NPAS3: variants seen among roughly 807,000 people sequenced by gnomAD.
The protein encoded by NPAS3 is neuronal PAS domain-containing protein 3.
In NPAS3, 14 loss-of-function variants were observed where a neutral mutation model predicts 73.1. The observed-to-expected ratio is 0.19, with a 90% CI of 0.13 to 0.30. NPAS3 has a LOEUF of 0.30. Among genes scored for constraint, NPAS3 ranks in the 10% least tolerant of loss-of-function variants. The probability of loss-of-function intolerance (pLI) is 1.00; values close to 1 mark genes in which losing one functional copy is unlikely to be tolerated. For synonymous variants in NPAS3, 620 were observed against 541.5 expected (o/e 1.14, Z -2.01); for missense variants, 1,096 against 1,250.0 (o/e 0.88, Z 1.86).
intron 2 of NPAS3, among the ~76,000 whole-genome samples, chr14:33,091,061 A>G (rs2042207956): frequency 6.6e-6 from 1 of 152,238 alleles, no homozygotes. Flanking sequence ...TTGACACACT[A>G]ACATCACAAT....
intron 2 of NPAS3, among the ~76,000 whole-genome samples, chr14:33,103,357 C>T (rs2042632157): frequency 6.6e-6 from 1 of 152,116 alleles, no homozygotes; most frequent in African/African-American, 2.4e-5. Context: ...GAAGCTCTGC[C>T]ATTGCATCAT....
chr14:33,596,838 A>G (rs754931884), intron 5 of NPAS3, among the ~76,000 whole-genome samples: 3 of 152,188 alleles, frequency 2.0e-5, no homozygotes, highest in Non-Finnish European at 4.4e-5. Flanking sequence ...CAGCTTCGTG[A>G]CAGCAGATGG....
intron 7 of NPAS3, among the ~76,000 whole-genome samples, chr14:33,747,707 G>A (rs2061846989): frequency 6.6e-6 from 1 of 152,158 alleles, no homozygotes; most frequent in African/African-American, 2.4e-5. Flanking sequence ...ATCACCTTTG[G>A]CTCATAGTTG....
chr14:33,319,414 T>C (rs2043343274), intron 3 of NPAS3, among the ~76,000 whole-genome samples: 1 of 152,126 alleles, frequency 6.6e-6, no homozygotes. Flanking sequence ...ATTAAAATGC[T>C]GTCTGATCTA....
At position 33,677,826 on chromosome 14, in the gene NPAS3, G is replaced by A. The variant is rs183300802; in HGVS notation, c.733+1441G>A. ...AATGAAAATACTTTTGTTCAGGTGGGCAAGTGATATATTCTTATACCATAG... is the reference window on the plus strand; with the variant it reads ...AATGAAAATACTTTTGTTCAGGTGGACAAGTGATATATTCTTATACCATAG... On this transcript the variant is annotated intron_variant, in intron 6 of 11. Coordinates refer to ENST00000356141, the Ensembl canonical transcript of NPAS3. Among the ~76,000 whole-genome samples the A allele has an allele frequency of 9.9e-5, 15 of 152,244 alleles. No individual in the cohort carries two copies. In the East Asian group the frequency reaches 2.7e-3, roughly 27 times the overall value.
chr14:33,588,349 G>A (rs529622926), intron 5 of NPAS3, among the ~76,000 whole-genome samples: 4 of 152,126 alleles, frequency 2.6e-5, no homozygotes, highest in South Asian at 2.1e-4. Flanking sequence ...AATATCCTTC[G>A]GCAGTCATAT....
chr14:33,784,721 T>TTTA (rs2063089229), intron 9 of NPAS3, among the ~76,000 whole-genome samples: 1 of 104,068 alleles, frequency 9.6e-6, no homozygotes, highest in South Asian at 3.3e-4. Context: ...TTATTGTTAT[T>TTTA]TTTATTTATT....
In NPAS3 at chr14:32,972,690, G is replaced by A. The variant is rs561269419; in HGVS notation, c.50+33324G>A. On this transcript the variant is annotated intron_variant, in intron 1 of 11. Coordinates refer to ENST00000356141, the Ensembl canonical transcript of NPAS3. Reference sequence around the variant, plus strand: ...TGCTGTGGAACCTACTGTAGGAGGGGGGAAAAGAGAAACACTTTGTCACAG... The same window carrying A: ...TGCTGTGGAACCTACTGTAGGAGGGAGGAAAAGAGAAACACTTTGTCACAG... 9.9e-5 allele frequency among the ~76,000 whole-genome samples: 15 copies of A among 152,270 alleles called. No individual in the cohort carries two copies. In the South Asian group the frequency reaches 2.9e-3, roughly 29 times the overall value.
intron 1 of NPAS3, among the ~76,000 whole-genome samples, chr14:33,046,078 G>A (rs1212218759): frequency 6.6e-6 from 1 of 152,192 alleles, no homozygotes; most frequent in Non-Finnish European, 1.5e-5. Context: ...GGTGGTGGAT[G>A]AAAGATAACA....
chr14:32,935,384 G>C (rs540922777), upstream of NPAS3, among the ~76,000 whole-genome samples: 1 of 152,350 alleles, frequency 6.6e-6, no homozygotes, highest in East Asian at 1.9e-4. Context: ...CATACGGACA[G>C]CTAGGGGGGC....
chr14:33,660,192 T>C (rs2140270941), intron 5 of NPAS3, among the ~76,000 whole-genome samples: 1 of 152,248 alleles, frequency 6.6e-6, no homozygotes, highest in South Asian at 2.1e-4. Context: ...GCCAAATGGA[T>C]GAGCTAAGAA....
intron 3 of NPAS3, among the ~76,000 whole-genome samples, chr14:33,237,357 A>T (rs989800120): frequency 1.3e-5 from 2 of 152,102 alleles, no homozygotes; most frequent in Non-Finnish European, 2.9e-5. Flanking sequence ...CAGCTTATGC[A>T]CTCAAGGCAT....
At chr14:33,274,687 A>G (rs1340982212) in intron 3 of NPAS3, among the ~76,000 whole-genome samples, 2 of 152,174 alleles carry the variant, frequency 1.3e-5, no homozygotes, top group African/African-American at 2.4e-5. Context: ...CATAAATGAT[A>G]TAGCTAAACA....
At chr14:33,334,647 G>A (rs2044134496) in intron 3 of NPAS3, among the ~76,000 whole-genome samples, 1 of 152,136 alleles carries the variant, frequency 6.6e-6, no homozygotes, top group Admixed American at 6.5e-5. Flanking sequence ...TGAGTCTTAG[G>A]CACCATCTGA....
rs142707276 is a variant in NPAS3 at position 33,766,751 on chromosome 14, C to T, written c.853-7586C>T. On this transcript the variant is annotated intron_variant, in intron 7 of 11. Coordinates refer to ENST00000356141, the Ensembl canonical transcript of NPAS3. ...TACTTCCTGAGTTGATAGCCATCTC[C>T]ATACATAGCTGATGACAGCATTCCA... 2.0e-5 allele frequency among the ~76,000 whole-genome samples: 3 copies of T among 152,244 alleles called. No homozygotes were observed. In the East Asian group the frequency reaches 5.8e-4, roughly 29 times the overall value.
At chr14:33,796,546 A>G (rs2063517873) in intron 10 of NPAS3, among the ~76,000 whole-genome samples, 1 of 152,170 alleles carries the variant, frequency 6.6e-6, no homozygotes, top group South Asian at 2.1e-4. Flanking sequence ...GTAATCATCA[A>G]TTTTAAGTCT....
intron 9 of NPAS3, among the ~76,000 whole-genome samples, chr14:33,787,592 A>G (rs2063216124): frequency 1.8e-5 from 1 of 56,296 alleles, no homozygotes; most frequent in South Asian, 8.3e-4. Context: ...CTCAGCATAT[A>G]GATTTACAAA....
chr14:33,673,404 A>G (rs1165199719), intron 5 of NPAS3, among the ~76,000 whole-genome samples: 2 of 152,234 alleles, frequency 1.3e-5, no homozygotes, highest in African/African-American at 4.8e-5. Flanking sequence ...CTTTTTGCAC[A>G]TAGTGGATAA....
At chr14:33,304,615 C>A (rs1317334970) in intron 3 of NPAS3, among the ~76,000 whole-genome samples, 1 of 151,632 alleles carries the variant, frequency 6.6e-6, no homozygotes, top group African/African-American at 2.4e-5. Context: ...TGACATTTAC[C>A]CTATCATTAT....
Sources: gnomAD v4.1 joint callset for allele counts (sites outside exome capture counted in the v4.1 genomes callset) on GRCh38, gnomAD v4.1.1 for gene constraint, MANE v1.5 for transcripts, NCBI Gene and HGNC (gene_info 2026-07-23, HGNC 2026-07-21) for gene names.